The following STAM2 variants were observed in gnomAD, a reference collection of about 807,000 sequenced individuals.
The protein encoded by STAM2 is signal transducing adapter molecule 2.
A neutral mutation model predicts 65.6 loss-of-function variants in STAM2; 51 were observed. That is an observed-to-expected ratio of 0.78 (90% CI 0.62 to 0.98). STAM2 has a LOEUF of 0.98. Ranked by LOEUF, STAM2 falls within the 50% of genes least tolerant of loss-of-function variation. STAM2 has a pLI of 0.00. For missense variants in STAM2, 584 were observed against 617.8 expected (o/e 0.95, Z 0.58); for synonymous variants, 198 against 208.4 (o/e 0.95, Z 0.43).
chr2:152,168,998 G>A (rs1393777652), intron 1 of STAM2, among the ~76,000 whole-genome samples: 1 of 152,202 alleles, frequency 6.6e-6, no homozygotes, highest in African/African-American at 2.4e-5. Context: ...GAAAATATCT[G>A]TATAACCTCA....
rs1306873173 is a variant in STAM2, at chr2:152,147,296, C to CTT, written c.311_312dup (p.Val105LysfsTer6). 6.4e-7 allele frequency: 1 copy of CTT among 1,560,340 alleles called. No individual in the cohort carries two copies. Among genetic ancestry groups the CTT allele is most frequent in the Non-Finnish European group, 8.6e-7 (1 of 1,159,962 alleles). ...ATTAAAGATTTCAGTTTTTCACATACTTTAGGATGTGCCTTTTAAGGAAAA... is the reference window on the plus strand; with the variant it reads ...ATTAAAGATTTCAGTTTTTCACATACTTTTTAGGATGTGCCTTTTAAGGAAAA... On this transcript the variant is annotated frameshift_variant, in exon 5 of 14. Transcript: ENST00000263904. LOFTEE classifies it high-confidence loss of function.
intron 7 of STAM2, among the ~76,000 whole-genome samples, chr2:152,137,866 A>G (rs1383085413): frequency 2.0e-5 from 3 of 152,196 alleles, no homozygotes; most frequent in Non-Finnish European, 2.9e-5. Flanking sequence ...TTTATTAAAT[A>G]GTCCACCATT....
At chr2:152,171,376 A>G (rs1689896128) in intron 1 of STAM2, among the ~76,000 whole-genome samples, 1 of 152,002 alleles carries the variant, frequency 6.6e-6, no homozygotes, top group Non-Finnish European at 1.5e-5. Context: ...CTGGCTGTTA[A>G]GTCTACTATT....
chr2:152,162,852 T>C (rs1482960475), intron 1 of STAM2, among the ~76,000 whole-genome samples: 3 of 151,968 alleles, frequency 2.0e-5, no homozygotes, highest in Non-Finnish European at 4.4e-5. Context: ...AGACAAGGTT[T>C]CACCATGTTG....
chr2:152,173,984 TTTTG>T lies in STAM2; in HGVS notation c.40+1615_40+1618del, dbSNP rs530560933. ...CCATAAAATAATCTAGACACAGTTT[TTTTG>T]TTTGTTTGTTTTTTTAATCTCAACA... On this transcript the variant is annotated intron_variant, in intron 1 of 13. Transcript: ENST00000263904. Among the ~76,000 whole-genome samples, 71 of 152,272 alleles carry T rather than the reference TTTTG, an allele frequency of 4.7e-4. 1 individual carries two copies. The South Asian group carries it at 7.0e-3, about 15-fold the overall frequency.
chr2:152,172,555 T>C (rs935855786), intron 1 of STAM2, among the ~76,000 whole-genome samples: 5 of 152,040 alleles, frequency 3.3e-5, no homozygotes, highest in African/African-American at 7.2e-5. Context: ...TACTTCCTGT[T>C]GGGAAAGTGC....
intron 11 of STAM2, among the ~76,000 whole-genome samples, chr2:152,129,135 AT>A (rs1325921201): frequency 6.6e-6 from 1 of 152,056 alleles, no homozygotes; most frequent in African/African-American, 2.4e-5. Flanking sequence ...TAATATCAGA[AT>A]GGTCACTTTG....
At position 152,117,851 on chromosome 2, in the gene STAM2, C is replaced by T. The variant is rs1422252171; in HGVS notation, c.*2723G>A. On this transcript the variant is annotated 3_prime_UTR_variant, in exon 14 of 14. Coordinates refer to ENST00000263904, the MANE Select transcript of STAM2 (RefSeq NM_005843.6). ...CATACAGTAAAATGTATTACGTAGACAAGTATCAATTATTTCAAACAGCAT... is the reference window on the plus strand; with the variant it reads ...CATACAGTAAAATGTATTACGTAGATAAGTATCAATTATTTCAAACAGCAT... 3 of 151,956 alleles carry T rather than the reference C, an allele frequency of 2.0e-5. No individual in the cohort carries two copies. The highest frequency in any genetic ancestry group is 4.8e-5 in the African/African-American group (2 of 41,366). The allele number at this position is 151,956 out of a possible 1,614,324, so 9.4% of individuals were successfully genotyped here.
At chr2:152,172,662 A>G (rs189000147) in intron 1 of STAM2, among the ~76,000 whole-genome samples, 46 of 152,188 alleles carry the variant, frequency 3.0e-4, no homozygotes, top group Admixed American at 1.1e-3. Context: ...TGAGGGCAGG[A>G]GTTCAAGACC....
intron 11 of STAM2, among the ~76,000 whole-genome samples, chr2:152,128,660 C>A (rs1325924208): frequency 6.6e-6 from 1 of 152,082 alleles, no homozygotes; most frequent in African/African-American, 2.4e-5. Flanking sequence ...TAGAAAATTA[C>A]CTTTGGAGGA....
chr2:152,170,619 T>G (rs1171565832), intron 1 of STAM2, among the ~76,000 whole-genome samples: 3 of 152,196 alleles, frequency 2.0e-5, no homozygotes, highest in Non-Finnish European at 4.4e-5. Flanking sequence ...ATAATGCATA[T>G]TCATATAGTA....
chr2:152,171,483 A>C (rs1200931311), intron 1 of STAM2, among the ~76,000 whole-genome samples: 2 of 152,210 alleles, frequency 1.3e-5, no homozygotes, highest in Non-Finnish European at 2.9e-5. Flanking sequence ...AAATGTTATA[A>C]ATTTGTGTGT....
Position 152,143,999 on chromosome 2 carries a change from G to A in STAM2, c.532C>T (p.Leu178=). ...GTGTGTTGCTGTTTCTGTTCTTGCA[G>A]CGATAATTCAATAGCTAGTTTCAAA... ...EDIAKAIELS[L]QEQKQQHTET... Residue 178 remains leucine (L), a synonymous_variant, in exon 7 of 14, where the codon CTG becomes TTG. Transcript: ENST00000263904. 1 of 1,607,360 alleles carries A rather than the reference G, an allele frequency of 6.2e-7. No homozygotes were observed. Among genetic ancestry groups the A allele is most frequent in the South Asian group, 1.1e-5 (1 of 88,954 alleles).
chr2:152,159,940 G>A (rs11673814), intron 1 of STAM2, among the ~76,000 whole-genome samples: 2,832 of 152,332 alleles, frequency 0.019, 40 homozygotes, highest in South Asian at 0.028. Flanking sequence ...TGTGTTGGCC[G>A]GGCTGGTCTC....
intron 12 of STAM2, chr2:152,126,010 A>C (rs1688958144): frequency 2.5e-6 from 1 of 395,124 alleles, no homozygotes; most frequent in East Asian, 4.2e-5. Context: ...ATCCATGTTA[A>C]AACTGAACTA....
chr2:152,156,900 AT>A, intron 1 of STAM2, among the ~76,000 whole-genome samples: 1 of 152,278 alleles, frequency 6.6e-6, no homozygotes, highest in African/African-American at 2.4e-5. Context: ...ATGATAGAAT[AT>A]CTGGTACCAG....
intron 1 of STAM2, among the ~76,000 whole-genome samples, chr2:152,171,517 T>G (rs1008692640): frequency 1.3e-5 from 2 of 152,248 alleles, no homozygotes; most frequent in Admixed American, 1.3e-4. Context: ...ATATTATTCT[T>G]ATGCTATCAA....
intron 1 of STAM2, among the ~76,000 whole-genome samples, chr2:152,168,553 G>T (rs907412436): frequency 6.6e-6 from 1 of 152,132 alleles, no homozygotes; most frequent in Admixed American, 6.5e-5. Context: ...ATAGTATTAT[G>T]TTGTATATTC....
At position 152,148,302 on chromosome 2, in the gene STAM2, TAA is replaced by T. The variant is rs759745408; in HGVS notation, c.126-4_126-3del. On this transcript the variant is annotated splice_polypyrimidine_tract_variant and splice_region_variant and intron_variant, in intron 2 of 13. Transcript: ENST00000263904. ...ATGGCTTTTAGGCAATCTTTCGCTC[TAA>T]AAAAAAAAAGAGAGAGAGAGACAGT... 1.5e-4 allele frequency: 190 copies of T among 1,296,868 alleles called. No individual in the cohort carries two copies. The highest frequency in any genetic ancestry group is 4.4e-4 in the Admixed American group (20 of 45,042). The allele number at this position is 1,296,868 out of a possible 1,614,324, so 80.3% of individuals were successfully genotyped here. A position where few individuals can be genotyped will look rare whatever the true frequency, so the allele number is the denominator to read the frequency against.
Sources: gnomAD v4.1 joint callset for allele counts (sites outside exome capture counted in the v4.1 genomes callset) on GRCh38, gnomAD v4.1.1 for gene constraint, MANE v1.5 for transcripts, NCBI Gene and HGNC (gene_info 2026-07-23, HGNC 2026-07-21) for gene names.